Variants in ABCA1 observed in about 807,000 individuals in gnomAD.
The protein encoded by ABCA1 is phospholipid-transporting ATPase ABCA1.
Under a neutral mutation model 262.5 loss-of-function variants are expected in ABCA1, and 133 were observed. The ratio of observed to expected loss-of-function variants is 0.51; its 90% CI spans 0.44 to 0.59. The LOEUF (loss-of-function observed/expected upper bound fraction) is 0.59. ABCA1 is among the 20% of genes least tolerant of loss of function. The pLI is 0.00. For synonymous variants in ABCA1, 1,022 were observed against 1,043.5 expected, an observed-to-expected ratio of 0.98 and a Z score of 0.40; for missense variants, 2,452 against 2,777.5, an observed-to-expected ratio of 0.88 and a Z score of 2.63.
At chr9:104,872,542 A>C (rs944222118) in intron 5 of ABCA1, among the ~76,000 whole-genome samples, 1 of 152,222 alleles carries the variant, frequency 6.6e-6, no homozygotes, top group Non-Finnish European at 1.5e-5. Flanking sequence ...TTCCTCATCA[A>C]TGAAATGGAG....
chr9:104,840,456 T>C lies in ABCA1; in HGVS notation c.877A>G (p.Ser293Gly). 12 of 1,614,178 alleles carry C rather than the reference T, an allele frequency of 7.4e-6. No individual in the cohort carries two copies. The highest frequency in any genetic ancestry group is 1.0e-5 in the Non-Finnish European group (12 of 1,180,038). The change falls in exon 9 of 50, where the codon AGC becomes GGC. Residue 293 changes from serine to glycine, a missense_variant. By Grantham distance (56) the Ser-to-Gly change is moderately conservative. Around this residue, in one of 4 missense-constraint regions of ABCA1, gnomAD observed 1,032 missense variants for 1,089.7 expected, o/e 0.95. Transcript: ENST00000374736. ...QEVMFLTNVN[S>G]SSSSTQIYQA... ...TAGATTTGGGTGGAGGAGCTGGAGC[T>C]GTTCACATTGGTCAGAAACATCACC...
intron 7 of ABCA1, among the ~76,000 whole-genome samples, chr9:104,851,100 T>C (rs1835337739): frequency 2.0e-5 from 3 of 152,328 alleles, no homozygotes; most frequent in South Asian, 2.1e-4. Flanking sequence ...CCTAAAAGCA[T>C]GGCATTCTGT....
chr9:104,885,495 G>C (rs909666175), intron 3 of ABCA1, among the ~76,000 whole-genome samples: 1 of 152,154 alleles, frequency 6.6e-6, no homozygotes, highest in East Asian at 1.9e-4. Flanking sequence ...CAGGCTTGGG[G>C]TCTGATGTCA....
chr9:104,793,090 C>T, intron 41 of ABCA1, 81 bp downstream of exon 41: 1 of 1,597,150 alleles, frequency 6.3e-7, no homozygotes, highest in Non-Finnish European at 8.6e-7. Flanking sequence ...TTCAATGCAA[C>T]CCCCATTGGT....
intron 1 of ABCA1, among the ~76,000 whole-genome samples, chr9:104,908,275 T>G (rs1026614120): frequency 1.3e-5 from 2 of 152,186 alleles, no homozygotes; most frequent in African/African-American, 4.8e-5. Flanking sequence ...GACCCAGTCA[T>G]CCCATCCTAG....
chr9:104,826,314 G>T (rs775757881), intron 16 of ABCA1, among the ~76,000 whole-genome samples: 1 of 152,146 alleles, frequency 6.6e-6, no homozygotes, highest in East Asian at 1.9e-4. Context: ...GGCAACAGGA[G>T]CATCCTATGA....
intron 9 of ABCA1, 117 bp from the exon 10 acceptor site, chr9:104,837,684 C>T: frequency 1.6e-6 from 2 of 1,235,560 alleles, no homozygotes; most frequent in Non-Finnish European, 2.3e-6. Flanking sequence ...CACTACTAGT[C>T]ATATAATAAG....
At chr9:104,862,619 T>A (rs1279401287) in intron 5 of ABCA1, among the ~76,000 whole-genome samples, 1 of 133,140 alleles carries the variant, frequency 7.5e-6, no homozygotes. Flanking sequence ...GAGAGCTTGT[T>A]AAAATGCAGA....
At chr9:104,792,946 T>C in intron 41 of ABCA1, 40 bp from the exon 42 acceptor site, 2 of 1,613,022 alleles carry the variant, frequency 1.2e-6, no homozygotes, top group Non-Finnish European at 1.7e-6. Flanking sequence ...TTTCAAACTA[T>C]TTTTCAGGAC....
intron 3 of ABCA1, among the ~76,000 whole-genome samples, chr9:104,886,414 T>C (rs1441799697): frequency 6.6e-6 from 1 of 152,194 alleles, no homozygotes; most frequent in Admixed American, 6.5e-5. Flanking sequence ...GTGGCCACCC[T>C]CTGCAGGGAC....
Position 104,831,019 on chromosome 9 carries a change from C to T in ABCA1, c.1798G>A (p.Val600Met), listed in dbSNP as rs778447748. 1.2e-6 allele frequency: 2 copies of T among 1,614,054 alleles called. No individual in the cohort carries two copies. Among genetic ancestry groups the T allele is most frequent in the Middle Eastern group, 1.6e-4 (1 of 6,062 alleles). Residue 600 changes from valine to methionine, a missense_variant, in exon 14 of 50, where the codon GTG becomes ATG. Physicochemically the swap from Val to Met is conservative, Grantham distance 21. Coordinates refer to ENST00000374736, the MANE Select transcript of ABCA1 (RefSeq NM_005502.4). ...AGCACCCTGATGATTGCCTGCTCCA[C>T]CACATCCTGCAAGTAGGCGAAGCCC... ...WGGFAYLQDV[V>M]EQAIIRVLTG...
rs115720069 is a variant in ABCA1, at chr9:104,888,883, T to C, written c.160+219A>G. ...TTTAAAATGTGTAAAAGAGATGTTGTCTACTGTTATAATTACAATTATCAC... is the reference window on the plus strand; with the variant it reads ...TTTAAAATGTGTAAAAGAGATGTTGCCTACTGTTATAATTACAATTATCAC... On this transcript the variant is annotated intron_variant, in intron 3 of 49. Coordinates refer to ENST00000374736, the MANE Select transcript of ABCA1 (RefSeq NM_005502.4). Among the ~76,000 whole-genome samples, 1,170 of 152,346 alleles carry C rather than the reference T, an allele frequency of 7.7e-3. 11 individuals are homozygous for C. The highest frequency in any genetic ancestry group is 0.027 in the African/African-American group (1,116 of 41,572).
Position 104,861,666 on chromosome 9 carries a change from G to A in ABCA1, c.543+13C>T, listed in dbSNP as rs1836399292. The A allele has an allele frequency of 6.2e-7, 1 of 1,614,116 alleles. No homozygotes were observed. Among genetic ancestry groups the A allele is most frequent in the Non-Finnish European group, 8.5e-7 (1 of 1,180,014 alleles). On this transcript the variant is annotated intron_variant, in intron 6 of 49. Transcript: ENST00000374736. ...CATCAGCCCTACTGAGGAAGCTGGA[G>A]GCATCAGCTTACCTTGTGGAGAATG...
At chr9:104,855,553 A>T in intron 7 of ABCA1, 1 of 1,021,274 alleles carries the variant, frequency 9.8e-7, no homozygotes, top group Non-Finnish European at 1.4e-6. Flanking sequence ...AATTTCTACT[A>T]CTCATGTCAA....
intron 8 of ABCA1, among the ~76,000 whole-genome samples, chr9:104,840,788 G>A (rs1275603903): frequency 6.6e-6 from 1 of 152,146 alleles, no homozygotes; most frequent in African/African-American, 2.4e-5. Context: ...CTGCCGACCT[G>A]CAGAATTCAA....
intron 1 of ABCA1, among the ~76,000 whole-genome samples, chr9:104,926,689 G>T (rs769622403): frequency 3.3e-5 from 5 of 152,176 alleles, no homozygotes; most frequent in African/African-American, 1.2e-4. Context: ...GCAGAGCCCA[G>T]CCCAGCCCCG....
intron 5 of ABCA1, among the ~76,000 whole-genome samples, chr9:104,867,569 A>T (rs1196373152): frequency 6.6e-6 from 1 of 152,250 alleles, no homozygotes; most frequent in Non-Finnish European, 1.5e-5. Context: ...ATTATAATAC[A>T]TATTAGCCTG....
chr9:104,812,719 G>A lies in ABCA1; in HGVS notation c.3905C>T (p.Ser1302Phe). 1.2e-6 allele frequency: 2 copies of A among 1,614,198 alleles called. No homozygotes were observed. Among genetic ancestry groups the A allele is most frequent in the Non-Finnish European group, 8.5e-7 (1 of 1,180,040 alleles). The stretch of plus-strand genomic sequence containing the variant: ...CCCACTGAGCAAGTCTGTCTCTCTG[G>A]ATTCTGCAAGAAGCCAACACTGAAG... ...DPNDSDIDPE[S>F]RETDLLSGMD... Residue 1302 changes from serine (S) to phenylalanine (F), a missense_variant, in exon 28 of 50, where the codon TCC becomes TTC. By Grantham distance (155) the Ser-to-Phe change is radical. Coordinates refer to ENST00000374736, the MANE Select transcript of ABCA1 (RefSeq NM_005502.4).
At chr9:104,924,123 A>T (rs1450507402) in intron 1 of ABCA1, among the ~76,000 whole-genome samples, 1 of 152,202 alleles carries the variant, frequency 6.6e-6, no homozygotes, top group East Asian at 1.9e-4. Context: ...TCTATTCAAC[A>T]CTGCAATAAC....
Sources: gnomAD v4.1 joint callset for allele counts (sites outside exome capture counted in the v4.1 genomes callset) on GRCh38, gnomAD v4.1.1 for gene constraint, gnomAD v4.1.1 regional missense constraint, MANE v1.5 for transcripts, NCBI Gene and HGNC (gene_info 2026-07-23, HGNC 2026-07-21) for gene names.